The following MERTK variants were observed in gnomAD, a reference collection of about 807,000 sequenced individuals.
MERTK encodes tyrosine-protein kinase Mer.
In MERTK, 69 loss-of-function variants were observed where a neutral mutation model predicts 99.3. The ratio of observed to expected loss-of-function variants is 0.70; its 90% CI spans 0.57 to 0.85. MERTK has a LOEUF of 0.85. Among genes scored for constraint, MERTK ranks in the 40% least tolerant of loss-of-function variants. The pLI, the probability that MERTK is intolerant of heterozygous loss-of-function variation, is 0.00. For missense variants in MERTK, 1,125 were observed against 1,249.4 expected (o/e 0.90, Z 1.50); for synonymous variants, 426 against 467.6 (o/e 0.91, Z 1.15).
At chr2:111,968,101 G>GGGTGTA in intron 5 of MERTK, 36 bp from the exon 6 acceptor site, 1 of 689,572 alleles carries the variant, frequency 1.5e-6, no homozygotes, top group Non-Finnish European at 2.1e-6. Flanking sequence ...TTGTGTTTGT[G>GGGTGTA]TGTGTATGTG....
intron 1 of MERTK, 48 bp from the exon 2 acceptor site, chr2:111,929,072 A>C (rs371471790): frequency 2.0e-5 from 33 of 1,610,590 alleles, no homozygotes; most frequent in Non-Finnish European, 2.8e-5. Flanking sequence ...CCTACTTGGG[A>C]AACTCTTCTT....
chr2:112,008,699 T>C (rs989858765), intron 14 of MERTK: 1 of 611,100 alleles, frequency 1.6e-6, no homozygotes, highest in African/African-American at 1.8e-5. Flanking sequence ...TCAGGAATGA[T>C]TTGAGTTTTC....
chr2:111,909,214 T>C (rs1179938051), intron 1 of MERTK, among the ~76,000 whole-genome samples: 2 of 152,138 alleles, frequency 1.3e-5, no homozygotes, highest in Non-Finnish European at 2.9e-5. Flanking sequence ...AGGCCAGGTC[T>C]CGGTAACGCA....
At chr2:111,981,049 C>T (rs185183541) in intron 7 of MERTK, among the ~76,000 whole-genome samples, 14 of 152,202 alleles carry the variant, frequency 9.2e-5, no homozygotes, top group African/African-American at 3.1e-4. Flanking sequence ...TGAAAGTGTG[C>T]GACTGATTTC....
chr2:111,997,366 C>T lies in MERTK; in HGVS notation c.1494C>T (p.Asn498=), dbSNP rs3811634. 442,559 of 1,613,214 alleles carry T rather than the reference C, an allele frequency of 0.27. 63,262 individuals are homozygous for T. The highest frequency in any genetic ancestry group is 0.31 in the Middle Eastern group (1,864 of 6,060). Residue 498 remains asparagine, a synonymous_variant, in exon 10 of 19, where the codon AAC becomes AAT. Coordinates refer to ENST00000295408, the MANE Select transcript of MERTK (RefSeq NM_006343.3). ...CCTCTTCAACTCCGGCGCCTGGCAA[C>T]GCAGATCCTGTGCTCATCATCTTTG... ...YAPSSTPAPG[N]ADPVLIIFGC... is the part of the protein sequence containing the mutation.
At chr2:111,924,466 C>T (rs1211928638) in intron 1 of MERTK, among the ~76,000 whole-genome samples, 1 of 152,002 alleles carries the variant, frequency 6.6e-6, no homozygotes, top group Non-Finnish European at 1.5e-5. Context: ...GCTGTCAGCC[C>T]CCTCTTCTTG....
At chr2:111,968,742 T>G (rs1376125765) in intron 6 of MERTK, among the ~76,000 whole-genome samples, 1 of 152,136 alleles carries the variant, frequency 6.6e-6, no homozygotes, top group Non-Finnish European at 1.5e-5. Flanking sequence ...TTGGTCAGGC[T>G]GGTCTCAAAC....
chr2:111,979,143 T>G (rs1432309914), intron 7 of MERTK, among the ~76,000 whole-genome samples: 1 of 152,226 alleles, frequency 6.6e-6, no homozygotes, highest in Non-Finnish European at 1.5e-5. Context: ...GTATTTGCCT[T>G]TCTTAGTTTA....
intron 3 of MERTK, 116 bp from the exon 4 acceptor site, chr2:111,947,278 G>GCCCC: frequency 5.6e-6 from 2 of 360,300 alleles, no homozygotes; most frequent in Non-Finnish European, 5.6e-6. Context: ...ATCCCCACCC[G>GCCCC]CCCCCCACAA....
intron 1 of MERTK, among the ~76,000 whole-genome samples, chr2:111,925,110 C>T (rs1343262141): frequency 6.6e-6 from 1 of 151,418 alleles, no homozygotes; most frequent in Admixed American, 6.6e-5. Context: ...TGTCCATCTC[C>T]CCTTTAGCTC....
chr2:111,980,511 C>A (rs1057118476), intron 7 of MERTK, among the ~76,000 whole-genome samples: 5 of 151,244 alleles, frequency 3.3e-5, no homozygotes, highest in African/African-American at 9.7e-5. Flanking sequence ...CTCTGCCTCC[C>A]GGGTTCATGC....
intron 15 of MERTK, among the ~76,000 whole-genome samples, chr2:112,017,932 C>T (rs10211152): frequency 0.042 from 6,401 of 152,178 alleles, 123 homozygotes; most frequent in African/African-American, 0.056. Flanking sequence ...TGACTTTCAA[C>T]GGAGATACAG....
intron 6 of MERTK, among the ~76,000 whole-genome samples, chr2:111,971,352 G>A (rs570166739): frequency 3.4e-4 from 50 of 148,374 alleles, no homozygotes; most frequent in African/African-American, 1.1e-3. Context: ...TTTTTTTTCT[G>A]TTTGCTTTGG....
intron 4 of MERTK, among the ~76,000 whole-genome samples, chr2:111,953,278 TCTTA>T (rs1367423362): frequency 6.6e-6 from 1 of 152,240 alleles, no homozygotes; most frequent in East Asian, 1.9e-4. Flanking sequence ...AATGAAGAAC[TCTTA>T]CTTAAACTGC....
intron 9 of MERTK, chr2:111,994,860 T>A (rs1676703395): frequency 2.0e-5 from 6 of 303,994 alleles, no homozygotes; most frequent in Non-Finnish European, 3.8e-5. Flanking sequence ...TATGATAACA[T>A]GCTTTACAGA....
intron 3 of MERTK, among the ~76,000 whole-genome samples, chr2:111,946,338 A>G (rs1381895692): frequency 6.6e-6 from 1 of 152,228 alleles, no homozygotes; most frequent in Non-Finnish European, 1.5e-5. Flanking sequence ...AGTTTCAAAA[A>G]AACCTTGAAA....
chr2:112,024,344 G>A (rs1259114206), intron 18 of MERTK, among the ~76,000 whole-genome samples: 2 of 152,224 alleles, frequency 1.3e-5, no homozygotes, highest in African/African-American at 4.8e-5. Context: ...GGTTTTTAGA[G>A]CCAAAACAAG....
chr2:111,984,921 C>T (rs888317010), intron 8 of MERTK, among the ~76,000 whole-genome samples: 4 of 152,126 alleles, frequency 2.6e-5, no homozygotes, highest in African/African-American at 9.7e-5. Flanking sequence ...TTTGGAATAC[C>T]ACTGTGTGCT....
At chr2:111,974,769 C>CAAAAAAAAAAAACAA (rs1676204722) in intron 6 of MERTK, among the ~76,000 whole-genome samples, 1 of 53,376 alleles carries the variant, frequency 1.9e-5, no homozygotes, top group Non-Finnish European at 3.3e-5. Context: ...AGGTCCATCT[C>CAAAAAAAAAAAACAA]AAAAAAAAAA....
Sources: allele counts gnomAD v4.1 joint callset (sites outside exome capture counted in the v4.1 genomes callset), GRCh38; gene constraint gnomAD v4.1.1; transcripts MANE v1.5; gene names NCBI Gene and HGNC (gene_info 2026-07-23, HGNC 2026-07-21).